Variants in PRKCE observed in about 807,000 individuals in gnomAD.
PRKCE encodes the protein protein kinase C epsilon.
PRKCE carries 16 observed loss-of-function variants against 85.4 expected under a neutral mutation model. The observed-to-expected ratio is 0.19, with a 90% CI of 0.13 to 0.28. The LOEUF is 0.28. PRKCE is among the 10% of genes least tolerant of loss of function. The pLI is 1.00. For missense variants in PRKCE, 573 were observed against 975.2 expected (o/e 0.59, Z 5.49); for synonymous variants, 388 against 371.5 (o/e 1.04, Z -0.51).
chr2:46,168,355 C>T (rs1043297780), intron 14 of PRKCE, among the ~76,000 whole-genome samples: 1 of 152,066 alleles, frequency 6.6e-6, no homozygotes, highest in Non-Finnish European at 1.5e-5. Flanking sequence ...TCCTAGGCCA[C>T]GCCTGATCAA....
intron 1 of PRKCE, among the ~76,000 whole-genome samples, chr2:45,672,103 A>G (rs1048894939): frequency 6.6e-6 from 1 of 151,334 alleles, no homozygotes; most frequent in Non-Finnish European, 1.5e-5. Context: ...GAAAAAATCC[A>G]GTAGAGACAG....
Position 46,004,569 on chromosome 2 carries a change from C to T in PRKCE, c.994C>T (p.Pro332Ser), listed in dbSNP as rs752085950. Residue 332 changes from proline (P) to serine (S), a missense_variant, in exon 8 of 15, where the codon CCT (proline) becomes TCT (serine). Physicochemically the swap from Pro to Ser is moderately conservative, Grantham distance 74. Around this residue, in one of 11 missense-constraint regions of PRKCE, gnomAD observed 117 missense variants for 104.8 expected, o/e 1.12. Transcript: ENST00000306156. This position sits in a 1 kb window ranked among gnomAD's most constrained non-coding sequence, Gnocchi z 4.1. ...KLIAGAESPQ[P>S]ASGSSPSEED... ...CATTGCTGGTGCCGAGTCCCCGCAG[C>T]CTGCTTCTGGAAGCTCACCATCTGA... 1.3e-6 allele frequency: 2 copies of T among 1,590,196 alleles called. No individual in the cohort carries two copies. Among genetic ancestry groups the T allele is most frequent in the Non-Finnish European group, 1.7e-6 (2 of 1,175,494 alleles).
intron 13 of PRKCE, among the ~76,000 whole-genome samples, chr2:46,153,019 T>C (rs1315820142): frequency 6.6e-6 from 1 of 152,108 alleles, no homozygotes; most frequent in African/African-American, 2.4e-5. Context: ...TTCTCTCCCC[T>C]CTGCCCTTAC....
intron 11 of PRKCE, among the ~76,000 whole-genome samples, chr2:46,094,527 A>G (rs1026612561): frequency 1.3e-5 from 2 of 152,052 alleles, no homozygotes; most frequent in African/African-American, 4.8e-5. Context: ...TAACACAGGA[A>G]CAGAAAAGCA....
intron 2 of PRKCE, among the ~76,000 whole-genome samples, chr2:45,850,657 C>T (rs1692172422): frequency 6.6e-6 from 1 of 152,172 alleles, no homozygotes; most frequent in Admixed American, 6.5e-5. Flanking sequence ...TTTGTTGAAA[C>T]ATGCATGTTT....
intron 1 of PRKCE, among the ~76,000 whole-genome samples, chr2:45,781,432 A>T (rs1346354177): frequency 6.6e-6 from 1 of 152,206 alleles, no homozygotes; most frequent in Non-Finnish European, 1.5e-5. Context: ...AAATGATCAT[A>T]TTCAGTTCTT....
At position 46,145,316 on chromosome 2, in the gene PRKCE, G is replaced by T. The variant is rs955912852; in HGVS notation, c.1731+85G>T. On this transcript the variant is annotated intron_variant, in intron 12 of 14. Transcript: ENST00000306156. The surrounding 1 kb of genome is among the most constrained non-coding windows in gnomAD (Gnocchi z 4.6). ...AACCCATGCACTGGGGTCATCTAGT[G>T]GTGCTGGGGGAAGGCTCTGGAAATC... The T allele has an allele frequency of 3.6e-5, 55 of 1,518,818 alleles. 1 individual carries two copies. In the Admixed American group the frequency reaches 9.3e-4, roughly 26 times the overall value. 94.1% of individuals were successfully genotyped at this position (1,518,818 alleles called of 1,614,324 possible). A position where few individuals can be genotyped will look rare whatever the true frequency, so the allele number is the denominator to read the frequency against.
At chr2:45,710,844 T>C (rs563855032) in intron 1 of PRKCE, among the ~76,000 whole-genome samples, 1 of 152,350 alleles carries the variant, frequency 6.6e-6, no homozygotes, top group East Asian at 1.9e-4. Flanking sequence ...CGGGGTGTTT[T>C]ACTGCCTGGC....
At chr2:45,752,506 C>T (rs1683658162) in intron 1 of PRKCE, among the ~76,000 whole-genome samples, 1 of 151,990 alleles carries the variant, frequency 6.6e-6, no homozygotes, top group Non-Finnish European at 1.5e-5. Context: ...ATTTCTTTCT[C>T]CTGTGCATTC....
At chr2:46,084,273 A>G (rs985886096) in intron 10 of PRKCE, among the ~76,000 whole-genome samples, 3 of 152,220 alleles carry the variant, frequency 2.0e-5, no homozygotes, top group African/African-American at 4.8e-5. Context: ...TGAATTAGTA[A>G]CAATTCTTAA....
intron 1 of PRKCE, among the ~76,000 whole-genome samples, chr2:45,693,809 G>A (rs1677932555): frequency 6.6e-6 from 1 of 152,128 alleles, no homozygotes; most frequent in Non-Finnish European, 1.5e-5. Context: ...AGGTTAAAGA[G>A]AAGGAATTTT....
intron 14 of PRKCE, among the ~76,000 whole-genome samples, chr2:46,178,673 A>C (rs1193617388): frequency 6.6e-6 from 1 of 152,218 alleles, no homozygotes; most frequent in Non-Finnish European, 1.5e-5. Flanking sequence ...AGAATATTTA[A>C]AAGAGAAAAG....
At chr2:45,704,516 C>T (rs899990137) in intron 1 of PRKCE, among the ~76,000 whole-genome samples, 3 of 152,142 alleles carry the variant, frequency 2.0e-5, no homozygotes, top group Non-Finnish European at 2.9e-5. Flanking sequence ...TTGGGGGTTT[C>T]CTTAGCCCAG....
chr2:46,004,572 G>A lies in PRKCE; in HGVS notation c.997G>A (p.Ala333Thr), dbSNP rs1705006596. The A allele has an allele frequency of 6.3e-7, 1 of 1,590,462 alleles. No individual in the cohort carries two copies. The highest frequency in any genetic ancestry group is 2.2e-5 in the East Asian group (1 of 44,696). Residue 333 changes from alanine to threonine, a missense_variant, in exon 8 of 15, where the codon GCT becomes ACT. Ala to Thr is a moderately conservative substitution (Grantham distance 58). This residue lies in a region of PRKCE where 117 missense variants were observed against 104.8 expected (regional missense o/e 1.12). Transcript: ENST00000306156. This position sits in a 1 kb window ranked among gnomAD's most constrained non-coding sequence, Gnocchi z 4.1. Reference sequence around the variant, plus strand: ...TGCTGGTGCCGAGTCCCCGCAGCCTGCTTCTGGAAGCTCACCATCTGAGGA... The same window carrying A: ...TGCTGGTGCCGAGTCCCCGCAGCCTACTTCTGGAAGCTCACCATCTGAGGA... The part of the protein sequence containing the change: ...LIAGAESPQP[A>T]SGSSPSEEDR...
intron 14 of PRKCE, among the ~76,000 whole-genome samples, chr2:46,165,809 G>C (rs1055851966): frequency 6.6e-6 from 1 of 152,194 alleles, no homozygotes; most frequent in South Asian, 2.1e-4. Flanking sequence ...GCACTGGAAT[G>C]GGGGGAAGCC....
intron 1 of PRKCE, among the ~76,000 whole-genome samples, chr2:45,792,306 C>G (rs1162194286): frequency 6.6e-6 from 1 of 152,194 alleles, no homozygotes; most frequent in African/African-American, 2.4e-5. Flanking sequence ...CATGAGAGAT[C>G]CATCCCCATA....
chr2:45,876,833 A>T (rs188762800), intron 2 of PRKCE, among the ~76,000 whole-genome samples: 17 of 152,298 alleles, frequency 1.1e-4, no homozygotes, highest in Admixed American at 6.5e-4. Flanking sequence ...GTCTATTTAC[A>T]TTTAATGTAA....
Position 45,764,477 on chromosome 2 carries a change from G to C in PRKCE, c.349-78523G>C, listed in dbSNP as rs139511397. Among the ~76,000 whole-genome samples, 1,053 of 152,228 alleles carry C rather than the reference G, an allele frequency of 6.9e-3. 20 individuals carry two copies. Among genetic ancestry groups the C allele is most frequent in the African/African-American group, 0.024 (998 of 41,526 alleles). On this transcript the variant is annotated intron_variant, in intron 1 of 14. Coordinates refer to ENST00000306156, the MANE Select transcript of PRKCE (RefSeq NM_005400.3). ...TCTAACTGGCTTCTGTTGCAATCAG[G>C]GTTCAGTTTTTAGACATGACCCCTG...
At chr2:45,767,180 G>T (rs1187047421) in intron 1 of PRKCE, among the ~76,000 whole-genome samples, 1 of 152,084 alleles carries the variant, frequency 6.6e-6, no homozygotes, top group African/African-American at 2.4e-5. Flanking sequence ...ATAAGATGCA[G>T]GCAACAGTTT....
Sources: allele counts gnomAD v4.1 joint callset (sites outside exome capture counted in the v4.1 genomes callset), GRCh38; gene constraint gnomAD v4.1.1; regional missense constraint gnomAD v4.1.1; non-coding constraint Gnocchi (gnomAD v3.1); transcripts MANE v1.5; gene names NCBI Gene and HGNC (gene_info 2026-07-23, HGNC 2026-07-21).